The following CARS1 variants were observed in gnomAD, a reference collection of about 807,000 sequenced individuals.
CARS1 encodes the protein cysteine--tRNA ligase, cytoplasmic.
A neutral mutation model predicts 106.2 loss-of-function variants in CARS1; 48 were observed. The observed-to-expected ratio is 0.45, with a 90% CI of 0.36 to 0.57. The LOEUF is 0.57. Among genes scored for constraint, CARS1 ranks in the 20% least tolerant of loss-of-function variants. The pLI is 0.00. For missense variants in CARS1, 968 were observed against 1,057.2 expected (o/e 0.92, Z 1.17); for synonymous variants, 409 against 403.4 (o/e 1.01, Z -0.17).
At position 3,034,725 on chromosome 11, in the gene CARS1, G is replaced by A. The variant is rs1191791006; in HGVS notation, c.801+3325C>T. Reference sequence around the variant, plus strand: ...TTTTTTTTTTATTTTTAGTAGAGACGGGGTTTCACCATGTTGGCCAGGATG... The same window carrying A: ...TTTTTTTTTTATTTTTAGTAGAGACAGGGTTTCACCATGTTGGCCAGGATG... On this transcript the variant is annotated intron_variant, in intron 7 of 22. Coordinates refer to ENST00000380525, the MANE Select transcript of CARS1 (RefSeq NM_001014437.3). This position sits in a 1 kb window ranked among gnomAD's most constrained non-coding sequence, Gnocchi z 6.3. Among the ~76,000 whole-genome samples, 3 of 151,288 alleles carry A rather than the reference G, an allele frequency of 2.0e-5. No homozygotes were observed. Among genetic ancestry groups the A allele is most frequent in the Non-Finnish European group, 4.4e-5 (3 of 67,898 alleles).
At position 3,050,175 on chromosome 11, in the gene CARS1, C is replaced by T. The variant is rs1564794829; in HGVS notation, c.26-2174G>A. ...GTGGGCACTCTGTGGGAGAGCCTTC[C>T]TGAAGTCTCAACATGGATGCAGGGC... is the stretch of plus-strand genomic sequence containing the variant. On this transcript the variant is annotated intron_variant, in intron 1 of 22. Transcript: ENST00000380525. The surrounding 1 kb of genome is among the most constrained non-coding windows in gnomAD (Gnocchi z 6.3). 6.6e-6 allele frequency among the ~76,000 whole-genome samples: 1 copy of T among 152,162 alleles called. No individual in the cohort carries two copies. Among genetic ancestry groups the T allele is most frequent in the Non-Finnish European group, 1.5e-5 (1 of 68,034 alleles).
intron 10 of CARS1, among the ~76,000 whole-genome samples, chr11:3,024,351 G>A (rs1357936428): frequency 6.6e-6 from 1 of 152,072 alleles, no homozygotes; most frequent in Non-Finnish European, 1.5e-5. Flanking sequence ...TCTTTCCTAG[G>A]AGTTATCCAG....
chr11:3,017,011 TG>T lies in CARS1; in HGVS notation c.1917+94del. 9 of 1,043,972 alleles carry T rather than the reference TG, an allele frequency of 8.6e-6. No individual in the cohort carries two copies. The highest frequency in any genetic ancestry group is 1.3e-5 in the Non-Finnish European group (9 of 716,338). 64.7% of individuals were successfully genotyped at this position (1,043,972 alleles called of 1,614,324 possible). A position where few individuals can be genotyped will look rare whatever the true frequency, so the allele number is the denominator to read the frequency against. ...AGGTGCTGGGCACCAGGCACAGCAC[TG>T]GGGGGCACCAGAGGCCTCTGTTCTC... On this transcript the variant is annotated intron_variant, in intron 16 of 22. Transcript: ENST00000380525. This position sits in a 1 kb window ranked among gnomAD's most constrained non-coding sequence, Gnocchi z 4.9.
rs541514956 is a variant in CARS1 at position 3,044,751 on chromosome 11, C to T, written c.275-2495G>A. Among the ~76,000 whole-genome samples, 8 of 152,252 alleles carry T rather than the reference C, an allele frequency of 5.3e-5. No individual in the cohort carries two copies. Among genetic ancestry groups the T allele is most frequent in the Non-Finnish European group, 1.0e-4 (7 of 68,024 alleles). ...CACATTCGTTGATTCCAGAGTCCCACCCTGACCTGAGTGATCCAACAACAG... is the reference window on the plus strand; with the variant it reads ...CACATTCGTTGATTCCAGAGTCCCATCCTGACCTGAGTGATCCAACAACAG... On this transcript the variant is annotated intron_variant, in intron 2 of 22. Transcript: ENST00000380525. The surrounding 1 kb of genome is among the most constrained non-coding windows in gnomAD (Gnocchi z 4.4).
In CARS1 at chr11:3,018,521, G is replaced by T; in HGVS notation, c.1526-10C>A. On this transcript the variant is annotated splice_polypyrimidine_tract_variant and intron_variant, in intron 13 of 22. Coordinates refer to ENST00000380525, the MANE Select transcript of CARS1 (RefSeq NM_001014437.3). ...AGCCGCAACTGCCGTGCTGTGGGGGGACACAAGACAGCCAACGCCCTTATT... is the reference window on the plus strand; with the variant it reads ...AGCCGCAACTGCCGTGCTGTGGGGGTACACAAGACAGCCAACGCCCTTATT... The T allele has an allele frequency of 6.2e-7, 1 of 1,613,230 alleles. No individual in the cohort carries two copies. The highest frequency in any genetic ancestry group is 1.7e-4 in the Middle Eastern group (1 of 6,060).
At position 3,050,510 on chromosome 11, in the gene CARS1, G is replaced by A. The variant is rs1466270801; in HGVS notation, c.26-2509C>T. Among the ~76,000 whole-genome samples the A allele has an allele frequency of 6.6e-6, 1 of 152,170 alleles. No individual in the cohort carries two copies. The highest frequency in any genetic ancestry group is 1.5e-5 in the Non-Finnish European group (1 of 68,032). ...GCCAGCCCTTGTCACCTGGATTCCT[G>A]CAAGCCAGACACCGCCACCTGTAGC... On this transcript the variant is annotated intron_variant, in intron 1 of 22. Coordinates refer to ENST00000380525, the MANE Select transcript of CARS1 (RefSeq NM_001014437.3). This position sits in a 1 kb window ranked among gnomAD's most constrained non-coding sequence, Gnocchi z 6.3.
At chr11:3,036,897 A>C (rs76483910) in intron 7 of CARS1, among the ~76,000 whole-genome samples, 2,777 of 152,300 alleles carry the variant, frequency 0.018, 23 homozygotes, top group Middle Eastern at 0.041. Context: ...CCATGGGCAC[A>C]CTATGCTGGG....
At chr11:3,018,149 T>C in intron 14 of CARS1, 195 bp from the exon 15 acceptor site, 1 of 613,934 alleles carries the variant, frequency 1.6e-6, no homozygotes, top group Non-Finnish European at 2.9e-6. Flanking sequence ...CAGATGCTCA[T>C]TTGGTGGAAA....
At position 3,038,226 on chromosome 11, in the gene CARS1, TATTA is replaced by T; in HGVS notation, c.652-31_652-28del. On this transcript the variant is annotated intron_variant, in intron 6 of 22. Transcript: ENST00000380525. The surrounding 1 kb of genome is among the most constrained non-coding windows in gnomAD (Gnocchi z 4.0). ...TGCAACCATAAAGAGACGTCAAATC[TATTA>T]GATACTGCTCAGCAAAACCTAAATT... 1 of 1,603,230 alleles carries T rather than the reference TATTA, an allele frequency of 6.2e-7. No homozygotes were observed. The highest frequency in any genetic ancestry group is 1.1e-5 in the South Asian group (1 of 90,816).
intron 18 of CARS1, 120 bp downstream of exon 18, chr11:3,012,075 G>A: frequency 1.1e-6 from 1 of 903,968 alleles, no homozygotes; most frequent in Non-Finnish European, 1.8e-6. Flanking sequence ...GTGGTGCACG[G>A]GGCAGCCTTC....
chr11:3,047,046 G>A (rs184928314), intron 2 of CARS1, among the ~76,000 whole-genome samples: 337 of 152,290 alleles, frequency 2.2e-3, no homozygotes, highest in African/African-American at 7.9e-3. Flanking sequence ...GGGAGGCCGA[G>A]GCGGGTGGAT....
At chr11:3,026,385 C>T (rs560112253) in intron 10 of CARS1, among the ~76,000 whole-genome samples, 9 of 152,310 alleles carry the variant, frequency 5.9e-5, no homozygotes, top group Admixed American at 1.3e-4. Context: ...TCTAAGGTGA[C>T]GAGCATCCTA....
In CARS1 at chr11:3,001,626, A is replaced by G. The variant is rs562382031; in HGVS notation, c.2361+344T>C. Among the ~76,000 whole-genome samples the G allele has an allele frequency of 2.0e-5, 3 of 152,328 alleles. No homozygotes were observed. The South Asian group carries it at 6.2e-4, about 32-fold the overall frequency. On this transcript the variant is annotated intron_variant, in intron 22 of 22. Coordinates refer to ENST00000380525, the MANE Select transcript of CARS1 (RefSeq NM_001014437.3). ...CAGTGGCTGTGAATCGCTATGACAAAGGAAGAAACTGGGGGTAGGAGGCCT... is the reference window on the plus strand; with the variant it reads ...CAGTGGCTGTGAATCGCTATGACAAGGGAAGAAACTGGGGGTAGGAGGCCT...
chr11:3,039,339 T>C lies in CARS1; in HGVS notation c.553-47A>G, dbSNP rs780796195. ...TGGGGAGTGATGCTTGGATCCCACATGCATCCCTCTGCAGCAGGCCACTCT... is the reference window on the plus strand; with the variant it reads ...TGGGGAGTGATGCTTGGATCCCACACGCATCCCTCTGCAGCAGGCCACTCT... On this transcript the variant is annotated intron_variant, in intron 5 of 22. Coordinates refer to ENST00000380525, the MANE Select transcript of CARS1 (RefSeq NM_001014437.3). The surrounding 1 kb of genome is among the most constrained non-coding windows in gnomAD (Gnocchi z 5.6). 9 of 1,129,440 alleles carry C rather than the reference T, an allele frequency of 8.0e-6. No homozygotes were observed. The highest frequency in any genetic ancestry group is 1.7e-5 in the Admixed American group (1 of 58,794). 70.0% of individuals were successfully genotyped at this position (1,129,440 alleles called of 1,614,324 possible).
chr11:3,017,212 A>G lies in CARS1; in HGVS notation c.1811T>C (p.Leu604Ser). Residue 604 changes from leucine to serine, a missense_variant, in exon 16 of 23, where the codon TTG (leucine) becomes TCG (serine). Physicochemically the swap from Leu to Ser is moderately radical, Grantham distance 145. Coordinates refer to ENST00000380525, the MANE Select transcript of CARS1 (RefSeq NM_001014437.3). The surrounding 1 kb of genome is among the most constrained non-coding windows in gnomAD (Gnocchi z 4.9). ...CATATAGAGGTTGCACTGACTGACC[A>G]AGGCCCGCATCTCTTCCATGACGGT... ...TRTVMEEMRA[L>S]VSQCNLYMAA... 6.2e-7 allele frequency: 1 copy of G among 1,614,174 alleles called. No individual in the cohort carries two copies. Among genetic ancestry groups the G allele is most frequent in the Non-Finnish European group, 8.5e-7 (1 of 1,179,996 alleles).
chr11:3,035,382 T>C (rs977050408), intron 7 of CARS1, among the ~76,000 whole-genome samples: 1 of 152,162 alleles, frequency 6.6e-6, no homozygotes, highest in Admixed American at 6.5e-5. Context: ...TTCACATTCA[T>C]TGACTGATGA....
At chr11:3,047,354 G>A (rs537063729) in intron 2 of CARS1, among the ~76,000 whole-genome samples, 4 of 151,566 alleles carry the variant, frequency 2.6e-5, no homozygotes, top group Admixed American at 6.6e-5. Context: ...GGATAGACAC[G>A]CTACAATCTT....
At chr11:3,002,390 C>G (rs560187220) in intron 21 of CARS1, 151 bp downstream of exon 21, 1 of 1,429,956 alleles carries the variant, frequency 7.0e-7, no homozygotes, top group African/African-American at 1.4e-5. Context: ...GCCTGGCAGG[C>G]CTTGGGTGGT....
rs564276619 is a variant in CARS1 at position 3,042,780 on chromosome 11, A to G, written c.275-524T>C. Among the ~76,000 whole-genome samples, 18 of 152,278 alleles carry G rather than the reference A, an allele frequency of 1.2e-4. No homozygotes were observed. The South Asian group carries it at 2.1e-3, about 18-fold the overall frequency. On this transcript the variant is annotated intron_variant, in intron 2 of 22. Transcript: ENST00000380525. The stretch of plus-strand genomic sequence containing the variant: ...CCCACCCAGGATCCCTCACCTGGAC[A>G]AACTGAGGATTTTGAGGACTCTTGT...
Sources: allele counts gnomAD v4.1 joint callset (sites outside exome capture counted in the v4.1 genomes callset), GRCh38; gene constraint gnomAD v4.1.1; non-coding constraint Gnocchi (gnomAD v3.1); transcripts MANE v1.5; gene names NCBI Gene and HGNC (gene_info 2026-07-23, HGNC 2026-07-21).